CRPPA: variants seen among roughly 807,000 people sequenced by gnomAD.
The protein encoded by CRPPA is CDP-L-ribitol pyrophosphorylase A, also known as D-ribitol-5-phosphate cytidylyltransferase.
In CRPPA, 43 loss-of-function variants were observed where a neutral mutation model predicts 52.0. The ratio of observed to expected loss-of-function variants is 0.83; its 90% CI spans 0.65 to 1.07. The LOEUF is 1.07. CRPPA is among the 50% of genes least tolerant of loss of function. The pLI is 0.00. For synonymous variants in CRPPA, 250 were observed against 203.5 expected (o/e 1.23, Z -1.94); for missense variants, 629 against 551.7 (o/e 1.14, Z -1.40).
intron 9 of CRPPA, among the ~76,000 whole-genome samples, chr7:16,122,506 A>T (rs889811274): frequency 1.3e-5 from 2 of 152,066 alleles, no homozygotes; most frequent in African/African-American, 4.8e-5. Context: ...TACACACATC[A>T]TTCTTATAAA....
At position 16,369,288 on chromosome 7, in the gene CRPPA, G is replaced by A. The variant is rs137883025; in HGVS notation, c.684+6804C>T. Among the ~76,000 whole-genome samples, 599 of 152,288 alleles carry A rather than the reference G, an allele frequency of 3.9e-3. 2 individuals carry two copies. The highest frequency in any genetic ancestry group is 7.3e-3 in the Admixed American group (111 of 15,286). On this transcript the variant is annotated intron_variant, in intron 3 of 9. Transcript: ENST00000407010. ...GAGCAAGCAGGGGGTACATGACAGG[G>A]GCTGCATGCACTGGTGGTCAGAGAG...
chr7:16,301,583 A>G (rs1784790285), intron 4 of CRPPA, 117 bp from the exon 5 acceptor site: 1 of 596,948 alleles, frequency 1.7e-6, no homozygotes, highest in Non-Finnish European at 3.0e-6. Flanking sequence ...TGTAATACTG[A>G]CATTTTCTCA....
At chr7:16,145,642 TA>T (rs1554277790) in intron 9 of CRPPA, among the ~76,000 whole-genome samples, 23 of 147,972 alleles carry the variant, frequency 1.6e-4, no homozygotes, top group African/African-American at 5.0e-4. Flanking sequence ...AAAACTATCA[TA>T]AAAAAAAAAA....
chr7:16,311,808 G>A (rs1279031169), intron 3 of CRPPA, among the ~76,000 whole-genome samples: 3 of 152,054 alleles, frequency 2.0e-5, no homozygotes, highest in Non-Finnish European at 1.5e-5. Context: ...GAAAGTGTGT[G>A]CCTAGATTTA....
intron 3 of CRPPA, among the ~76,000 whole-genome samples, chr7:16,359,468 T>C (rs1281318263): frequency 6.6e-6 from 1 of 152,234 alleles, no homozygotes; most frequent in African/African-American, 2.4e-5. Flanking sequence ...TCTTGCTATA[T>C]ACATGTAGCC....
intron 8 of CRPPA, among the ~76,000 whole-genome samples, chr7:16,220,624 A>T (rs1782472682): frequency 1.5e-5 from 2 of 136,348 alleles, no homozygotes; most frequent in Non-Finnish European, 3.1e-5. Context: ...ATGTACAAAA[A>T]TCACAAGCAT....
At chr7:16,336,188 T>C (rs984620220) in intron 3 of CRPPA, among the ~76,000 whole-genome samples, 20 of 152,152 alleles carry the variant, frequency 1.3e-4, no homozygotes, top group African/African-American at 4.6e-4. Context: ...ATGGTGTAGA[T>C]AGTACGTAGT....
At position 16,331,699 on chromosome 7, in the gene CRPPA, T is replaced by C. The variant is rs878915429; in HGVS notation, c.685-23072A>G. Among the ~76,000 whole-genome samples the C allele has an allele frequency of 6.6e-4, 101 of 152,050 alleles. 3 individuals carry two copies. The highest frequency in any genetic ancestry group is 6.3e-3 in the Admixed American group (96 of 15,260). ...AAATGCTAGAGATCAAAAACACTAA[T>C]AGAAATGAAGAATGCCTTTGATGGG... On this transcript the variant is annotated intron_variant, in intron 3 of 9. Transcript: ENST00000407010.
At chr7:16,381,121 G>A (rs1276043520) in intron 2 of CRPPA, among the ~76,000 whole-genome samples, 5 of 151,780 alleles carry the variant, frequency 3.3e-5, no homozygotes, top group Admixed American at 3.3e-4. Context: ...TTCTCTTGTG[G>A]GCATTTAGTG....
chr7:16,211,618 A>G (rs1782143371), intron 9 of CRPPA, among the ~76,000 whole-genome samples: 1 of 152,194 alleles, frequency 6.6e-6, no homozygotes, highest in Non-Finnish European at 1.5e-5. Flanking sequence ...GCATACACCC[A>G]TTTGTTCTCC....
chr7:16,362,082 C>T (rs1345244584), intron 3 of CRPPA, among the ~76,000 whole-genome samples: 1 of 152,170 alleles, frequency 6.6e-6, no homozygotes, highest in Non-Finnish European at 1.5e-5. Flanking sequence ...TCTCGATCTC[C>T]TGACCTCGTG....
intron 8 of CRPPA, chr7:16,247,757 T>C (rs1009709645): frequency 9.9e-5 from 15 of 152,160 alleles, no homozygotes; most frequent in Non-Finnish European, 2.9e-5. Context: ...TCAAGTATTA[T>C]AAAGGGATAA....
intron 1 of CRPPA, among the ~76,000 whole-genome samples, chr7:16,420,360 G>C (rs1159954526): frequency 6.6e-6 from 1 of 152,098 alleles, no homozygotes; most frequent in African/African-American, 2.4e-5. Flanking sequence ...AGTGCTAAAA[G>C]CAAAGTAAGT....
At chr7:16,218,196 T>G (rs1342927296) in intron 8 of CRPPA, among the ~76,000 whole-genome samples, 1 of 148,770 alleles carries the variant, frequency 6.7e-6, no homozygotes, top group East Asian at 2.0e-4. Context: ...AAACTAAGCT[T>G]CATAAGTGAA....
At chr7:16,282,683 T>A (rs760782772) in intron 5 of CRPPA, among the ~76,000 whole-genome samples, 1 of 152,100 alleles carries the variant, frequency 6.6e-6, no homozygotes, top group Non-Finnish European at 1.5e-5. Flanking sequence ...GCTATATTAA[T>A]AGGAGACTTT....
intron 6 of CRPPA, among the ~76,000 whole-genome samples, chr7:16,274,000 C>G (rs1784150916): frequency 6.6e-6 from 1 of 152,228 alleles, no homozygotes; most frequent in South Asian, 2.1e-4. Flanking sequence ...CATTTCAGTA[C>G]TACTCCTGAC....
intron 9 of CRPPA, among the ~76,000 whole-genome samples, chr7:16,168,399 T>C (rs1781110259): frequency 2.0e-5 from 3 of 152,116 alleles, no homozygotes; most frequent in Admixed American, 1.3e-4. Flanking sequence ...TGGTACTAAA[T>C]TGAAATAGAT....
chr7:16,213,540 G>A (rs541412870), intron 9 of CRPPA, among the ~76,000 whole-genome samples: 5 of 152,122 alleles, frequency 3.3e-5, no homozygotes, highest in African/African-American at 1.2e-4. Context: ...CCTGAGATCA[G>A]AATTTCAAGA....
rs200630365 is a variant in CRPPA at position 16,306,087 on chromosome 7, T to C, written c.789+2436A>G. 2.6e-3 allele frequency among the ~76,000 whole-genome samples: 390 copies of C among 152,286 alleles called. 15 individuals carry two copies. In the East Asian group the frequency reaches 0.057, roughly 22 times the overall value. On this transcript the variant is annotated intron_variant, in intron 4 of 9. Coordinates refer to ENST00000407010, the MANE Select transcript of CRPPA (RefSeq NM_001101426.4). ...CCACCTCCATCATCACATGGCCTTC[T>C]CCCTGTATCTGTGTCTCTTCTATTC...
Sources: allele counts gnomAD v4.1 joint callset (sites outside exome capture counted in the v4.1 genomes callset), GRCh38; gene constraint gnomAD v4.1.1; transcripts MANE v1.5; gene names NCBI Gene and HGNC (gene_info 2026-07-23, HGNC 2026-07-21).